Variants in PALM2AKAP2 observed in about 807,000 individuals in gnomAD.
PALM2AKAP2 encodes PALM2-AKAP2 fusion protein.
In PALM2AKAP2, 37 loss-of-function variants were observed where a neutral mutation model predicts 71.5. The observed-to-expected ratio is 0.52, with a 90% CI of 0.40 to 0.68. PALM2AKAP2 has a LOEUF of 0.68. Ranked by LOEUF, PALM2AKAP2 falls within the 30% of genes least tolerant of loss-of-function variation. The probability of loss-of-function intolerance (pLI) is 0.00; values close to 1 mark genes in which losing one functional copy is unlikely to be tolerated. For missense variants in PALM2AKAP2, 1,224 were observed against 1,191.8 expected (o/e 1.03, Z -0.40); for synonymous variants, 468 against 478.8 (o/e 0.98, Z 0.29).
At chr9:109,830,449 T>C (rs1242162037) in intron 1 of PALM2AKAP2, among the ~76,000 whole-genome samples, 1 of 152,188 alleles carries the variant, frequency 6.6e-6, no homozygotes, top group Non-Finnish European at 1.5e-5. Context: ...ACAAAACACA[T>C]GTAGGCCTAG....
intron 1 of PALM2AKAP2, among the ~76,000 whole-genome samples, chr9:109,672,789 A>G (rs1364848405): frequency 6.6e-6 from 1 of 152,070 alleles, no homozygotes; most frequent in African/African-American, 2.4e-5. Context: ...AGAGCTCATT[A>G]TTAGTCTGTT....
intron 5 of PALM2AKAP2, among the ~76,000 whole-genome samples, chr9:109,925,350 C>T (rs890030951): frequency 6.6e-6 from 1 of 152,026 alleles, no homozygotes; most frequent in African/African-American, 2.4e-5. Flanking sequence ...ACACTCACTG[C>T]TTGGGCCTCT....
intron 1 of PALM2AKAP2, among the ~76,000 whole-genome samples, chr9:109,683,412 G>A (rs1827765562): frequency 6.6e-6 from 1 of 152,160 alleles, no homozygotes; most frequent in Non-Finnish European, 1.5e-5. Context: ...TGGAGGCAGA[G>A]ATTGGAGTTC....
upstream of PALM2AKAP2, among the ~76,000 whole-genome samples, chr9:109,775,431 A>G (rs1829334651): frequency 6.6e-6 from 1 of 152,192 alleles, no homozygotes; most frequent in South Asian, 2.1e-4. Context: ...TGAATCTATC[A>G]TTTGGATCCC....
chr9:110,011,931 G>A (rs1362744963), intron 6 of PALM2AKAP2, among the ~76,000 whole-genome samples: 1 of 152,172 alleles, frequency 6.6e-6, no homozygotes, highest in Non-Finnish European at 1.5e-5. Context: ...ACGAGAGTGA[G>A]GGAAGAATTA....
chr9:110,071,111 C>T (rs1834197028), intron 1 of PALM2AKAP2, among the ~76,000 whole-genome samples: 1 of 146,394 alleles, frequency 6.8e-6, no homozygotes, highest in African/African-American at 2.6e-5. Context: ...CTGCAGGGAG[C>T]CCAGATCATG....
At chr9:109,782,280 T>C (rs116744733) in intron 1 of PALM2AKAP2, among the ~76,000 whole-genome samples, 3,732 of 152,336 alleles carry the variant, frequency 0.024, 162 homozygotes, top group African/African-American at 0.085. Context: ...AATACTCACT[T>C]GTGCCTCTTC....
At chr9:109,726,949 C>T (rs1248518808) in intron 1 of PALM2AKAP2, among the ~76,000 whole-genome samples, 1 of 152,160 alleles carries the variant, frequency 6.6e-6, no homozygotes, top group African/African-American at 2.4e-5. Context: ...GCAGAAAGTT[C>T]CATTGGACAG....
At chr9:109,736,662 C>T (rs185367160) in intron 1 of PALM2AKAP2, among the ~76,000 whole-genome samples, 291 of 152,098 alleles carry the variant, frequency 1.9e-3, no homozygotes, top group Middle Eastern at 6.8e-3. Flanking sequence ...GTATCTATCG[C>T]GTAGTGGTGA....
chr9:109,764,132 T>C (rs1255682819), intron 1 of PALM2AKAP2, among the ~76,000 whole-genome samples: 2 of 152,146 alleles, frequency 1.3e-5, no homozygotes, highest in Non-Finnish European at 2.9e-5. Flanking sequence ...ATAGTCTCCT[T>C]GCCTGCAGTC....
At chr9:110,087,715 T>G (rs1834605734) in intron 1 of PALM2AKAP2, among the ~76,000 whole-genome samples, 1 of 152,226 alleles carries the variant, frequency 6.6e-6, no homozygotes, top group African/African-American at 2.4e-5. Flanking sequence ...GTTCATTTCA[T>G]TCATTGACTC....
intron 1 of PALM2AKAP2, among the ~76,000 whole-genome samples, chr9:109,709,135 C>A (rs1461903129): frequency 3.3e-5 from 5 of 152,188 alleles, no homozygotes; most frequent in Non-Finnish European, 7.3e-5. Flanking sequence ...CCAAACAGAT[C>A]CTGGCCATTA....
chr9:109,879,701 T>C (rs992835960), intron 2 of PALM2AKAP2, among the ~76,000 whole-genome samples: 1 of 23,218 alleles, frequency 4.3e-5, no homozygotes, highest in South Asian at 6.8e-4. Flanking sequence ...GATGTATGGT[T>C]TTTTTTTTTT....
intron 1 of PALM2AKAP2, among the ~76,000 whole-genome samples, chr9:109,797,597 C>T (rs1587918431): frequency 6.6e-6 from 1 of 152,324 alleles, no homozygotes; most frequent in East Asian, 1.9e-4. Flanking sequence ...CCACCACATG[C>T]ACCAGCTTCA....
At position 109,809,300 on chromosome 9, in the gene PALM2AKAP2, G is replaced by A. The variant is rs181775086; in HGVS notation, c.45+28767G>A. 2.4e-3 allele frequency among the ~76,000 whole-genome samples: 368 copies of A among 152,312 alleles called. 1 individual carries two copies. Among genetic ancestry groups the A allele is most frequent in the African/African-American group, 8.5e-3 (352 of 41,574 alleles). ...AGCTTTACCCTGCAAAGCCAAAGGA[G>A]CAGAGCTGCCCAAGGCCATGGGAAC... On this transcript the variant is annotated intron_variant, in intron 1 of 9. Transcript: ENST00000302798.
chr9:109,815,958 A>G (rs1216957928), intron 1 of PALM2AKAP2, among the ~76,000 whole-genome samples: 1 of 152,206 alleles, frequency 6.6e-6, no homozygotes, highest in African/African-American at 2.4e-5. Flanking sequence ...AGGTCAGGGC[A>G]TGATGGAATT....
At chr9:109,846,931 A>G (rs1049915028) in intron 1 of PALM2AKAP2, among the ~76,000 whole-genome samples, 3 of 152,190 alleles carry the variant, frequency 2.0e-5, no homozygotes, top group African/African-American at 7.2e-5. Flanking sequence ...TCGTCATTTG[A>G]ACAATTTCCA....
At chr9:110,131,245 G>A (rs943704412) in intron 1 of PALM2AKAP2, among the ~76,000 whole-genome samples, 2 of 152,132 alleles carry the variant, frequency 1.3e-5, no homozygotes, top group South Asian at 2.1e-4. Flanking sequence ...TCTGTGTCGT[G>A]GTATTAGGGC....
At chr9:109,726,607 A>G (rs1403029656) in intron 1 of PALM2AKAP2, among the ~76,000 whole-genome samples, 2 of 152,220 alleles carry the variant, frequency 1.3e-5, no homozygotes, top group Admixed American at 1.3e-4. Flanking sequence ...AATCCTCACT[A>G]ATACATAGTT....
Sources: allele counts gnomAD v4.1 joint callset (sites outside exome capture counted in the v4.1 genomes callset), GRCh38; gene constraint gnomAD v4.1.1; transcripts MANE v1.5; gene names NCBI Gene and HGNC (gene_info 2026-07-23, HGNC 2026-07-21).